The following MROH9 variants were observed in gnomAD, a reference collection of about 807,000 sequenced individuals.
MROH9 encodes the protein maestro heat-like repeat-containing protein family member 9.
In MROH9, 92 loss-of-function variants were observed where a neutral mutation model predicts 98.2. The observed-to-expected ratio is 0.94, with a 90% CI of 0.79 to 1.11. The LOEUF (loss-of-function observed/expected upper bound fraction) is 1.11. Among genes scored for constraint, MROH9 ranks in the 50% most tolerant of loss-of-function variants. MROH9 has a pLI of 0.00. For synonymous variants in MROH9, 397 were observed against 368.9 expected (o/e 1.08, Z -0.87); for missense variants, 1,057 against 1,014.8 (o/e 1.04, Z -0.57).
chr1:171,046,672 C>A (rs1653482346), intron 20 of MROH9, among the ~76,000 whole-genome samples: 1 of 152,086 alleles, frequency 6.6e-6, no homozygotes, highest in Non-Finnish European at 1.5e-5. Context: ...TTTAGTCTTT[C>A]TGCTTAGGAT....
Position 171,040,039 on chromosome 1 carries a change from A to T in MROH9, c.2281+14619A>T, listed in dbSNP as rs376347930. ...GACAACATAGATGGTCCCTCCTGAAAAAAGGGGAAAACAAGAGACAACATA... is the reference window on the plus strand; with the variant it reads ...GACAACATAGATGGTCCCTCCTGAATAAAGGGGAAAACAAGAGACAACATA... On this transcript the variant is annotated intron_variant, in intron 20 of 21. Coordinates refer to ENST00000367759, the MANE Select transcript of MROH9 (RefSeq NM_001163629.2). Among the ~76,000 whole-genome samples the T allele has an allele frequency of 7.9e-5, 12 of 152,264 alleles. No homozygotes were observed. The South Asian group carries it at 2.5e-3, about 32-fold the overall frequency.
intron 10 of MROH9, among the ~76,000 whole-genome samples, chr1:170,987,040 A>T (rs1165363062): frequency 6.9e-6 from 1 of 145,590 alleles, no homozygotes; most frequent in Non-Finnish European, 1.5e-5. Context: ...ATTTTTGTAG[A>T]GATGGAGGTC....
intron 3 of MROH9, among the ~76,000 whole-genome samples, chr1:170,954,942 A>G (rs1649702274): frequency 6.6e-6 from 1 of 151,768 alleles, no homozygotes; most frequent in Admixed American, 6.6e-5. Context: ...CAACATATTT[A>G]TAGCCTTTAT....
At chr1:171,063,033 T>C (rs973135524) in intron 21 of MROH9, among the ~76,000 whole-genome samples, 3 of 152,140 alleles carry the variant, frequency 2.0e-5, no homozygotes, top group African/African-American at 7.2e-5. Context: ...ATTCAACACA[T>C]ATTTGACTAC....
chr1:170,981,299 A>G (rs373598092), intron 8 of MROH9, among the ~76,000 whole-genome samples: 4 of 152,212 alleles, frequency 2.6e-5, no homozygotes, highest in Non-Finnish European at 4.4e-5. Flanking sequence ...TACTATAAAG[A>G]CATATGCATA....
chr1:171,053,804 T>TA (rs1337694197), intron 20 of MROH9, among the ~76,000 whole-genome samples: 2 of 152,048 alleles, frequency 1.3e-5, no homozygotes, highest in Admixed American at 6.5e-5. Flanking sequence ...ATATTCAACC[T>TA]AAAGATTAAA....
intron 7 of MROH9, among the ~76,000 whole-genome samples, chr1:170,970,469 A>G (rs1012248366): frequency 6.6e-6 from 1 of 152,126 alleles, no homozygotes; most frequent in East Asian, 1.9e-4. Context: ...GGCCTAGAGC[A>G]GAGGCTGTCT....
At chr1:170,954,557 T>C (rs1649688006) in intron 3 of MROH9, among the ~76,000 whole-genome samples, 1 of 152,086 alleles carries the variant, frequency 6.6e-6, no homozygotes, top group South Asian at 2.1e-4. Context: ...CATTTTTAAT[T>C]TTTTAGAAAT....
At chr1:170,983,092 CT>C (rs1239021917) in intron 8 of MROH9, among the ~76,000 whole-genome samples, 2 of 152,206 alleles carry the variant, frequency 1.3e-5, no homozygotes, top group African/African-American at 4.8e-5. Context: ...TCCAAGTCTA[CT>C]TTCCCTGCCA....
In MROH9 at chr1:171,016,208, C is replaced by G. The variant is rs1176142273; in HGVS notation, c.1780C>G (p.Leu594Val). ...ATTAATAGCCATCCTGGATGCCTTC[C>G]TTTCCAAAGACGATAATGTTGTACT... ...SILIAILDAF[L>V]SKDDNVVLQA... is the part of the protein sequence containing the mutation. Residue 594 changes from leucine to valine, a missense_variant, in exon 17 of 22, where the codon CTT (leucine) becomes GTT (valine). By Grantham distance (32) the Leu-to-Val change is conservative (BLOSUM62 1). Coordinates refer to ENST00000367759, the MANE Select transcript of MROH9 (RefSeq NM_001163629.2). 2 of 1,535,418 alleles carry G rather than the reference C, an allele frequency of 1.3e-6. No homozygotes were observed. Among genetic ancestry groups the G allele is most frequent in the Non-Finnish European group, 1.8e-6 (2 of 1,140,002 alleles).
chr1:171,046,420 ATAATT>A (rs1173072020), intron 20 of MROH9, among the ~76,000 whole-genome samples: 1 of 152,076 alleles, frequency 6.6e-6, no homozygotes, highest in Non-Finnish European at 1.5e-5. Context: ...CTCTGGCAGT[ATAATT>A]TAGTTTGTTT....
chr1:170,970,460 G>T (rs1198468358), intron 7 of MROH9, among the ~76,000 whole-genome samples: 2 of 152,036 alleles, frequency 1.3e-5, no homozygotes, highest in East Asian at 3.9e-4. Flanking sequence ...TCCCCCTAGG[G>T]CCTAGAGCAG....
intron 1 of MROH9, among the ~76,000 whole-genome samples, chr1:170,939,463 T>C (rs6662724): frequency 0.18 from 27,597 of 152,210 alleles, 2,717 homozygotes; most frequent in Middle Eastern, 0.3. Context: ...CTGTATATCA[T>C]GTAGAACCAA....
At chr1:171,011,441 T>C (rs1379603099) in intron 15 of MROH9, among the ~76,000 whole-genome samples, 1 of 152,250 alleles carries the variant, frequency 6.6e-6, no homozygotes, top group Admixed American at 6.5e-5. Flanking sequence ...AATGCATTAT[T>C]ACCAGTCTCC....
At chr1:171,032,824 G>A (rs1245313135) in intron 20 of MROH9, among the ~76,000 whole-genome samples, 1 of 152,160 alleles carries the variant, frequency 6.6e-6, no homozygotes, top group Non-Finnish European at 1.5e-5. Context: ...GCCACACCAG[G>A]CGGGAAACCC....
At chr1:171,044,190 T>A (rs902592858) in intron 20 of MROH9, among the ~76,000 whole-genome samples, 2 of 152,204 alleles carry the variant, frequency 1.3e-5, no homozygotes, top group African/African-American at 4.8e-5. Context: ...TATTAAATTA[T>A]CAAATGCTTC....
chr1:170,992,203 G>A lies in MROH9; in HGVS notation c.1068G>A (p.Ala356=), dbSNP rs375430149. The A allele has an allele frequency of 3.8e-5, 62 of 1,612,906 alleles. No individual in the cohort carries two copies. The highest frequency in any genetic ancestry group is 4.8e-5 in the Non-Finnish European group (57 of 1,179,440). Residue 356 remains alanine (A), a synonymous_variant, in exon 12 of 22, where the codon GCG becomes GCA. Coordinates refer to ENST00000367759, the MANE Select transcript of MROH9 (RefSeq NM_001163629.2). The stretch of plus-strand genomic sequence containing the variant: ...TGTGGAAGGCGGCATGTTCTCAGGC[G>A]AGCGTGGCCCCTCACGTGCTGAAGA... ...IQMWKAACSQ[A]SVAPHVLKTI... is the part of the protein sequence containing the mutation.
At chr1:170,968,912 T>C (rs1650335392) in intron 7 of MROH9, among the ~76,000 whole-genome samples, 1 of 152,190 alleles carries the variant, frequency 6.6e-6, no homozygotes, top group Non-Finnish European at 1.5e-5. Context: ...TATTATTGAT[T>C]TTCAACTTTT....
intron 15 of MROH9, among the ~76,000 whole-genome samples, chr1:171,004,291 T>A (rs1322572816): frequency 6.6e-6 from 1 of 152,160 alleles, no homozygotes; most frequent in East Asian, 1.9e-4. Flanking sequence ...CAAATTGTTA[T>A]AAAGTTCAGC....
Sources: allele counts gnomAD v4.1 joint callset (sites outside exome capture counted in the v4.1 genomes callset), GRCh38; gene constraint gnomAD v4.1.1; transcripts MANE v1.5; gene names NCBI Gene and HGNC (gene_info 2026-07-23, HGNC 2026-07-21).